The following SPNS3 variants were observed in gnomAD, a reference collection of about 807,000 sequenced individuals.
SPNS3 encodes the protein protein spinster homolog 3.
In SPNS3, 51 loss-of-function variants were observed where a neutral mutation model predicts 54.4. The observed-to-expected ratio is 0.94, with a 90% CI of 0.75 to 1.18. The LOEUF (loss-of-function observed/expected upper bound fraction) is 1.18, where lower values mean the gene tolerates loss of function less well. SPNS3 is among the 50% of genes most tolerant of loss of function. The pLI is 0.00. For missense variants in SPNS3, 669 were observed against 677.4 expected (o/e 0.99, Z 0.14); for synonymous variants, 309 against 294.7 (o/e 1.05, Z -0.50).
rs143122022 is a variant in SPNS3, at chr17:4,487,823, G to T, written c.1468G>T (p.Asp490Tyr). Residue 490 changes from aspartate (D) to tyrosine (Y), a missense_variant, in exon 12 of 12, where the codon GAT becomes TAT. By Grantham distance (160) the Asp-to-Tyr change is radical. Coordinates refer to ENST00000355530, the MANE Select transcript of SPNS3 (RefSeq NM_182538.5). ...QPVTGTPDSNDVDSNDLERQG... is the reference protein window; with the variant it reads ...QPVTGTPDSNYVDSNDLERQG... The stretch of plus-strand genomic sequence containing the variant: ...TCCTGCAGGGACCCCAGACAGCAAT[G>T]ATGTGGACAGCAACGACCTGGAGAG... The T allele has an allele frequency of 5.0e-6, 8 of 1,614,018 alleles. No homozygotes were observed. In the African/African-American group the frequency reaches 9.3e-5, roughly 19 times the overall value.
intron 5 of SPNS3, among the ~76,000 whole-genome samples, chr17:4,447,190 G>T (rs1315652492): frequency 1.3e-5 from 2 of 152,198 alleles, no homozygotes; most frequent in Admixed American, 1.3e-4. Flanking sequence ...CCAGCTGTGT[G>T]ATCTCAAGCA....
In SPNS3 at chr17:4,478,631, C is replaced by T; in HGVS notation, c.1173C>T (p.Ile391=). The T allele has an allele frequency of 4.4e-6, 7 of 1,588,260 alleles. No individual in the cohort carries two copies. Among genetic ancestry groups the T allele is most frequent in the Non-Finnish European group, 6.0e-6 (7 of 1,167,290 alleles). Residue 391 remains isoleucine (I), a synonymous_variant, in exon 9 of 12, where the codon ATC becomes ATT. Transcript: ENST00000355530. The stretch of plus-strand genomic sequence containing the variant: ...GCAACTGGGCAGTGGTTGCCGACAT[C>T]CTGCTGGTAGGTGTGGGAGTCGGGG... The part of the protein sequence containing the change: ...LSCNWAVVAD[I]LLSVVVPRCR...
Position 4,436,152 on chromosome 17 carries a change from G to A in SPNS3, c.199+1986G>A, listed in dbSNP as rs748602931. Among the ~76,000 whole-genome samples, 24 of 152,164 alleles carry A rather than the reference G, an allele frequency of 1.6e-4. 1 individual carries two copies. The highest frequency in any genetic ancestry group is 1.0e-4 in the Non-Finnish European group (7 of 68,016). ...CTGGTTGATGGCAGTCCTGCGAGGCGGAGAGGTGCGGCCAGACAAGGGGGA... is the reference window on the plus strand; with the variant it reads ...CTGGTTGATGGCAGTCCTGCGAGGCAGAGAGGTGCGGCCAGACAAGGGGGA... On this transcript the variant is annotated intron_variant, in intron 1 of 11. Coordinates refer to ENST00000355530, the MANE Select transcript of SPNS3 (RefSeq NM_182538.5).
chr17:4,471,374 T>C (rs1231627059), intron 8 of SPNS3, among the ~76,000 whole-genome samples: 1 of 152,252 alleles, frequency 6.6e-6, no homozygotes, highest in African/African-American at 2.4e-5. Context: ...GATTTTATGA[T>C]TAAGGAGTTT....
chr17:4,464,483 T>C (rs1971625174), intron 8 of SPNS3, among the ~76,000 whole-genome samples: 1 of 152,034 alleles, frequency 6.6e-6, no homozygotes, highest in African/African-American at 2.4e-5. Flanking sequence ...GAGTGGGACA[T>C]GGGAGGGAGC....
chr17:4,434,535 C>T (rs927138416), intron 1 of SPNS3, among the ~76,000 whole-genome samples: 5 of 151,634 alleles, frequency 3.3e-5, no homozygotes, highest in Non-Finnish European at 5.9e-5. Flanking sequence ...CTCGCTCTGT[C>T]GCCCAGGCTG....
At chr17:4,474,591 C>T (rs1971940522) in intron 8 of SPNS3, among the ~76,000 whole-genome samples, 1 of 152,202 alleles carries the variant, frequency 6.6e-6, no homozygotes. Context: ...ACCCTTTCCT[C>T]CTGCTTCCTC....
chr17:4,459,570 G>T lies in SPNS3; in HGVS notation c.1113+6365G>T, dbSNP rs1223844725. Among the ~76,000 whole-genome samples, 6 of 152,060 alleles carry T rather than the reference G, an allele frequency of 3.9e-5. No homozygotes were observed. The East Asian group carries it at 7.7e-4, about 20-fold the overall frequency. On this transcript the variant is annotated intron_variant, in intron 8 of 11. Transcript: ENST00000355530. ...CTACTAAAAATACAAAAAATTAGCT[G>T]GGCATGGTGGTGTGTGCCTGTGGTC...
intron 2 of SPNS3, among the ~76,000 whole-genome samples, chr17:4,443,082 T>G (rs555786928): frequency 2.7e-3 from 408 of 152,190 alleles, no homozygotes; most frequent in Admixed American, 5.6e-3. Flanking sequence ...TTTTTGTTTT[T>G]TTTTTTGAGA....
rs1378161479 is a variant in SPNS3 at position 4,487,056 on chromosome 17, C to T, written c.1450+473C>T. 2.6e-5 allele frequency among the ~76,000 whole-genome samples: 4 copies of T among 151,360 alleles called. No homozygotes were observed. The South Asian group carries it at 6.3e-4, about 24-fold the overall frequency. ...GTGCGGTGGCACACACCTGTAGTCC[C>T]AGCTACTCAGGAGGCTGAGGCAGGA... On this transcript the variant is annotated intron_variant, in intron 11 of 11. Coordinates refer to ENST00000355530, the MANE Select transcript of SPNS3 (RefSeq NM_182538.5).
chr17:4,477,161 G>A (rs560050928), intron 8 of SPNS3, among the ~76,000 whole-genome samples: 7 of 152,350 alleles, frequency 4.6e-5, no homozygotes, highest in East Asian at 1.9e-4. Flanking sequence ...AGGCCATCAC[G>A]GCGTGGGGGG....
intron 9 of SPNS3, among the ~76,000 whole-genome samples, chr17:4,484,746 C>T (rs920789257): frequency 8.6e-5 from 13 of 151,878 alleles, no homozygotes; most frequent in Non-Finnish European, 1.6e-4. Context: ...GCTTGAGTCC[C>T]CTCCCCCTCC....
chr17:4,439,590 G>A, intron 1 of SPNS3, 68 bp from the exon 2 acceptor site: 1 of 1,499,542 alleles, frequency 6.7e-7, no homozygotes, highest in Non-Finnish European at 9.1e-7. Flanking sequence ...TGCCAAACCT[G>A]GAGCAGCTGC....
At chr17:4,438,074 A>G (rs1970759095) in intron 1 of SPNS3, among the ~76,000 whole-genome samples, 5 of 152,232 alleles carry the variant, frequency 3.3e-5, no homozygotes, top group Admixed American at 1.3e-4. Context: ...GGCGTGAGCC[A>G]CCACGTCCCT....
intron 1 of SPNS3, 140 bp downstream of exon 1, chr17:4,434,306 G>A (rs2143955976): frequency 1.3e-6 from 1 of 762,048 alleles, no homozygotes; most frequent in Non-Finnish European, 2.0e-6. Context: ...TCTAGAGGTG[G>A]TTTTCAGCTG....
At chr17:4,476,979 C>A (rs1487822664) in intron 8 of SPNS3, among the ~76,000 whole-genome samples, 1 of 152,220 alleles carries the variant, frequency 6.6e-6, no homozygotes, top group Non-Finnish European at 1.5e-5. Context: ...CTGGGCCCGT[C>A]CTGATCCTGA....
rs146947890 is a variant in SPNS3, at chr17:4,468,997, A to T, written c.1114-9575A>T. On this transcript the variant is annotated intron_variant, in intron 8 of 11. Transcript: ENST00000355530. ...AGACGGGGGTTTCACGATGTTGCCCAGGCTGGTCTCGAACTCCTGACCTCA... is the reference window on the plus strand; with the variant it reads ...AGACGGGGGTTTCACGATGTTGCCCTGGCTGGTCTCGAACTCCTGACCTCA... Among the ~76,000 whole-genome samples the T allele has an allele frequency of 3.1e-3, 467 of 152,024 alleles. 3 individuals are homozygous for T. Among genetic ancestry groups the T allele is most frequent in the African/African-American group, 0.011 (442 of 41,442 alleles).
At chr17:4,448,370 C>A in intron 6 of SPNS3, 67 bp downstream of exon 6, 1 of 1,392,516 alleles carries the variant, frequency 7.2e-7, no homozygotes, top group South Asian at 1.7e-5. Context: ...CATCATTGAC[C>A]CCCTCTCTCC....
At position 4,487,967 on chromosome 17, in the gene SPNS3, T is replaced by C; in HGVS notation, c.*73T>C. ...ACAGCAGCAGTGCCTCGGTTCCTCT[T>C]TGGCTGTCCTCGGGGACTCCGGCTG... On this transcript the variant is annotated 3_prime_UTR_variant, in exon 12 of 12. Transcript: ENST00000355530. The C allele has an allele frequency of 2.9e-6, 4 of 1,382,094 alleles. No individual in the cohort carries two copies. Among genetic ancestry groups the C allele is most frequent in the Non-Finnish European group, 4.1e-6 (4 of 974,660 alleles). The allele number at this position is 1,382,094 out of a possible 1,614,324, so 85.6% of individuals were successfully genotyped here.
Sources: gnomAD v4.1 joint callset for allele counts (sites outside exome capture counted in the v4.1 genomes callset) on GRCh38, gnomAD v4.1.1 for gene constraint, MANE v1.5 for transcripts, NCBI Gene and HGNC (gene_info 2026-07-23, HGNC 2026-07-21) for gene names.